The following B3GALT1 variants were observed in gnomAD, a reference collection of about 807,000 sequenced individuals.
B3GALT1 encodes UDP-Gal:betaGlcNAc beta 1,3-galactosyltransferase, polypeptide 1.
Under a neutral mutation model 23.2 loss-of-function variants are expected in B3GALT1, and 10 were observed. That is an observed-to-expected ratio of 0.43 (90% confidence interval 0.27 to 0.73). The LOEUF (loss-of-function observed/expected upper bound fraction) is 0.73, where lower values mean the gene tolerates loss of function less well. Among genes scored for constraint, B3GALT1 ranks in the 30% least tolerant of loss-of-function variants. The pLI, the probability that B3GALT1 is intolerant of heterozygous loss-of-function variation, is 0.21. For synonymous variants in B3GALT1, 156 were observed against 141.5 expected, an observed-to-expected ratio of 1.10 and a Z score of -0.73; for missense variants, 299 against 405.4, an observed-to-expected ratio of 0.74 and a Z score of 2.25.
At position 167,764,788 on chromosome 2, in the gene B3GALT1, G is replaced by A. The variant is rs147469467; in HGVS notation, c.-351-53884G>A. On this transcript the variant is annotated intron_variant, in intron 3 of 4. Coordinates refer to ENST00000392690, the MANE Select transcript of B3GALT1 (RefSeq NM_020981.4). ...CCTTCGGCCACAGAACTATTAGAAC[G>A]TAAGGATATGAAAATAACTAACGGC... 1.8e-3 allele frequency among the ~76,000 whole-genome samples: 271 copies of A among 152,220 alleles called. 2 individuals are homozygous for A. Among genetic ancestry groups the A allele is most frequent in the African/African-American group, 6.1e-3 (255 of 41,510 alleles).
chr2:167,771,743 A>AG (rs1688075740), intron 3 of B3GALT1, among the ~76,000 whole-genome samples: 1 of 152,172 alleles, frequency 6.6e-6, no homozygotes, highest in Non-Finnish European at 1.5e-5. Flanking sequence ...CATTTTCAAT[A>AG]GGTTCTCTTC....
intron 4 of B3GALT1, among the ~76,000 whole-genome samples, chr2:167,845,010 G>A (rs1312507206): frequency 6.6e-6 from 1 of 152,128 alleles, no homozygotes; most frequent in African/African-American, 2.4e-5. Flanking sequence ...ACTCAGCAGA[G>A]ACAGCCATAA....
At chr2:167,390,621 T>A (rs987816760) in intron 1 of B3GALT1, among the ~76,000 whole-genome samples, 4 of 152,186 alleles carry the variant, frequency 2.6e-5, no homozygotes, top group Non-Finnish European at 5.9e-5. Flanking sequence ...CCTACCCAGA[T>A]CCTGGACAAA....
At chr2:167,627,846 C>G (rs1685372654) in intron 2 of B3GALT1, among the ~76,000 whole-genome samples, 1 of 151,626 alleles carries the variant, frequency 6.6e-6, no homozygotes, top group Admixed American at 6.6e-5. Context: ...TTGCTATTGT[C>G]AGACTTTTTA....
At chr2:167,751,699 T>G (rs560286986) in intron 3 of B3GALT1, among the ~76,000 whole-genome samples, 85 of 152,138 alleles carry the variant, frequency 5.6e-4, no homozygotes, top group Non-Finnish European at 9.8e-4. Flanking sequence ...GGTGAGACAT[T>G]CAGAAAAATG....
intron 3 of B3GALT1, among the ~76,000 whole-genome samples, chr2:167,757,673 C>A (rs1383211625): frequency 6.6e-6 from 1 of 152,058 alleles, no homozygotes; most frequent in African/African-American, 2.4e-5. Flanking sequence ...AGAAGGTCCC[C>A]CCTCTTATCT....
At chr2:167,795,732 T>A (rs568895827) in intron 3 of B3GALT1, among the ~76,000 whole-genome samples, 2 of 152,324 alleles carry the variant, frequency 1.3e-5, no homozygotes, top group South Asian at 4.1e-4. Context: ...CTACCACTGG[T>A]TGATTTAAAT....
chr2:167,644,057 T>C (rs1685701451), intron 2 of B3GALT1, among the ~76,000 whole-genome samples: 1 of 152,140 alleles, frequency 6.6e-6, no homozygotes, highest in Non-Finnish European at 1.5e-5. Context: ...TAAAGTAAGA[T>C]AAAAGAGCAC....
intron 2 of B3GALT1, among the ~76,000 whole-genome samples, chr2:167,583,989 T>C (rs1014990629): frequency 6.4e-5 from 9 of 140,268 alleles, no homozygotes; most frequent in Non-Finnish European, 1.3e-4. Flanking sequence ...TCCAAAGGCA[T>C]TGGAGAGTAA....
intron 1 of B3GALT1, among the ~76,000 whole-genome samples, chr2:167,375,351 A>T (rs1697746703): frequency 6.6e-6 from 1 of 152,032 alleles, no homozygotes; most frequent in Non-Finnish European, 1.5e-5. Flanking sequence ...GAATTTTAGC[A>T]TAGTTTTTTT....
At chr2:167,771,284 T>A (rs1193216943) in intron 3 of B3GALT1, among the ~76,000 whole-genome samples, 2 of 152,230 alleles carry the variant, frequency 1.3e-5, no homozygotes, top group African/African-American at 4.8e-5. Context: ...ATCCTAGATA[T>A]GTGTGTGTTT....
chr2:167,304,621 A>C, intron 1 of B3GALT1, among the ~76,000 whole-genome samples: 1 of 151,982 alleles, frequency 6.6e-6, no homozygotes, highest in Non-Finnish European at 1.5e-5. Context: ...GTATGTGAGC[A>C]TACAGAGAAA....
chr2:167,797,113 T>C (rs527264593), intron 3 of B3GALT1, among the ~76,000 whole-genome samples: 16 of 152,232 alleles, frequency 1.1e-4, no homozygotes, highest in Non-Finnish European at 1.5e-4. Context: ...AGCTAATCTT[T>C]CTAATGCTCT....
chr2:167,790,650 C>G (rs17644527), intron 3 of B3GALT1, among the ~76,000 whole-genome samples: 2,308 of 152,260 alleles, frequency 0.015, 37 homozygotes, highest in Middle Eastern at 0.092. Flanking sequence ...GAATTAGTGT[C>G]CACATTCTTG....
intron 1 of B3GALT1, among the ~76,000 whole-genome samples, chr2:167,342,571 CAGAG>C (rs1193308343): frequency 6.9e-6 from 1 of 144,866 alleles, no homozygotes; most frequent in African/African-American, 2.6e-5. Flanking sequence ...GCCTGGGTGA[CAGAG>C]AGAGACTTCA....
intron 4 of B3GALT1, among the ~76,000 whole-genome samples, chr2:167,836,436 G>C (rs1007331495): frequency 9.9e-5 from 15 of 152,162 alleles, no homozygotes; most frequent in Admixed American, 2.0e-4. Context: ...AGCAATGGAA[G>C]ATGAAATGAA....
chr2:167,332,148 A>G (rs1442607883), intron 1 of B3GALT1, among the ~76,000 whole-genome samples: 3 of 152,202 alleles, frequency 2.0e-5, no homozygotes, highest in South Asian at 2.1e-4. Flanking sequence ...CAGAGTACAC[A>G]ATAGTCAAGG....
At chr2:167,494,140 A>G (rs1699746270) in intron 2 of B3GALT1, among the ~76,000 whole-genome samples, 1 of 152,158 alleles carries the variant, frequency 6.6e-6, no homozygotes, top group Non-Finnish European at 1.5e-5. Context: ...TCTGAAAATT[A>G]GAAAACAAAC....
chr2:167,319,903 G>A (rs10186558), intron 1 of B3GALT1, among the ~76,000 whole-genome samples: 121,671 of 151,836 alleles, frequency 0.8, 50,062 homozygotes, highest in Non-Finnish European at 0.9. Flanking sequence ...GAGAACACAG[G>A]CTCAGTAGTT....
Sources: gnomAD v4.1 joint callset for allele counts (sites outside exome capture counted in the v4.1 genomes callset) on GRCh38, gnomAD v4.1.1 for gene constraint, MANE v1.5 for transcripts, NCBI Gene and HGNC (gene_info 2026-07-23, HGNC 2026-07-21) for gene names.